Variants in SHANK2 observed in about 807,000 individuals in gnomAD.
SHANK2 encodes SH3 and multiple ankyrin repeat domains protein 2.
Under a neutral mutation model 133.7 loss-of-function variants are expected in SHANK2, and 43 were observed. The ratio of observed to expected loss-of-function variants is 0.32; its 90% CI spans 0.25 to 0.41. The LOEUF (loss-of-function observed/expected upper bound fraction) is 0.41, where lower values mean the gene tolerates loss of function less well. Ranked by LOEUF, SHANK2 falls within the 10% of genes least tolerant of loss-of-function variation. The pLI is 1.00. For synonymous variants in SHANK2, 1,017 were observed against 952.8 expected, an observed-to-expected ratio of 1.07 and a Z score of -1.24; for missense variants, 1,994 against 2,235.8, an observed-to-expected ratio of 0.89 and a Z score of 2.18.
intron 17 of SHANK2, among the ~76,000 whole-genome samples, chr11:70,592,921 C>G (rs1239981403): frequency 6.6e-6 from 1 of 152,246 alleles, no homozygotes; most frequent in Non-Finnish European, 1.5e-5. Flanking sequence ...GCCCTGCCCC[C>G]AGGCCTGTCA....
At chr11:70,519,176 G>A (rs138301855) in intron 17 of SHANK2, among the ~76,000 whole-genome samples, 3 of 152,268 alleles carry the variant, frequency 2.0e-5, no homozygotes, top group Non-Finnish European at 4.4e-5. Context: ...CAAAGTGCTA[G>A]GATCATAGGC....
intron 17 of SHANK2, among the ~76,000 whole-genome samples, chr11:70,590,222 A>C (rs1406324521): frequency 6.6e-6 from 1 of 152,186 alleles, no homozygotes; most frequent in Non-Finnish European, 1.5e-5. Context: ...AAACGCTGCA[A>C]TCTCATGAGA....
At chr11:71,197,025 C>T (rs1488348915) in intron 2 of SHANK2, among the ~76,000 whole-genome samples, 4 of 150,924 alleles carry the variant, frequency 2.7e-5, no homozygotes. Flanking sequence ...AAAAACCCAT[C>T]CCTGCTCTCA....
At chr11:70,945,895 C>T (rs1555085271) in intron 10 of SHANK2, among the ~76,000 whole-genome samples, 3 of 152,034 alleles carry the variant, frequency 2.0e-5, no homozygotes, top group Non-Finnish European at 1.5e-5. Context: ...ACCTCAAGTC[C>T]TCTCTTTCAC....
chr11:70,693,905 GACAGGTGA>G (rs1945339921), intron 15 of SHANK2, among the ~76,000 whole-genome samples: 1 of 152,190 alleles, frequency 6.6e-6, no homozygotes, highest in African/African-American at 2.4e-5. Flanking sequence ...CGGACAGGTG[GACAGGTGA>G]CTGGGTGGAT....
chr11:70,602,182 T>C (rs1266585458), intron 17 of SHANK2, among the ~76,000 whole-genome samples: 1 of 152,162 alleles, frequency 6.6e-6, no homozygotes, highest in Non-Finnish European at 1.5e-5. Context: ...CCTTCCACCA[T>C]GAGTAAAAGC....
chr11:70,615,537 C>T (rs976745239), intron 17 of SHANK2, among the ~76,000 whole-genome samples: 13 of 152,152 alleles, frequency 8.5e-5, no homozygotes, highest in African/African-American at 1.7e-4. Flanking sequence ...CCCTTAGTGG[C>T]GGCGCAAGGG....
chr11:70,481,411 T>C (rs1486647751), intron 25 of SHANK2, among the ~76,000 whole-genome samples: 1 of 152,184 alleles, frequency 6.6e-6, no homozygotes, highest in African/African-American at 2.4e-5. Context: ...TTCAGCTGCT[T>C]CCTTTGATCC....
At chr11:71,127,397 G>C (rs1214359234) in intron 3 of SHANK2, among the ~76,000 whole-genome samples, 14 of 152,224 alleles carry the variant, frequency 9.2e-5, no homozygotes, top group Admixed American at 9.2e-4. Flanking sequence ...AAGTTTTACT[G>C]TGGGTAAAAT....
chr11:70,717,576 G>A lies in SHANK2; in HGVS notation c.1778-18813C>T, dbSNP rs541149520. On this transcript the variant is annotated intron_variant, in intron 14 of 25. Transcript: ENST00000601538. ...TTGCCACCCCGTCTCACCAAGCGCCGGCAGGACTGCCCAAGTCCCACGGTC... is the reference window on the plus strand; with the variant it reads ...TTGCCACCCCGTCTCACCAAGCGCCAGCAGGACTGCCCAAGTCCCACGGTC... Among the ~76,000 whole-genome samples, 133 of 152,274 alleles carry A rather than the reference G, an allele frequency of 8.7e-4. 2 individuals carry two copies. Among genetic ancestry groups the A allele is most frequent in the African/African-American group, 3.1e-3 (127 of 41,562 alleles).
chr11:70,592,992 G>A (rs1352135493), intron 17 of SHANK2, among the ~76,000 whole-genome samples: 2 of 152,348 alleles, frequency 1.3e-5, no homozygotes, highest in Non-Finnish European at 2.9e-5. Flanking sequence ...GACTCACGAA[G>A]GGAGCCTGCA....
chr11:71,242,860 G>A (rs1954913624), intron 1 of SHANK2, among the ~76,000 whole-genome samples: 1 of 152,218 alleles, frequency 6.6e-6, no homozygotes, highest in African/African-American at 2.4e-5. Flanking sequence ...ACATCAGCAG[G>A]ACTGAAATTA....
rs572136159 is a variant in SHANK2 at position 71,222,472 on chromosome 11, A to G, written c.-13+2225T>C. ...AGTGTTCCTTTCTTACGAAGCTCCC[A>G]GAGGAGCTAAGAAGGGAGTTTCAGG... is the stretch of plus-strand genomic sequence containing the variant. On this transcript the variant is annotated intron_variant, in intron 2 of 25. Coordinates refer to ENST00000601538, the MANE Select transcript of SHANK2 (RefSeq NM_012309.5). 1.2e-4 allele frequency among the ~76,000 whole-genome samples: 19 copies of G among 152,314 alleles called. No individual in the cohort carries two copies. The South Asian group carries it at 3.9e-3, about 32-fold the overall frequency.
At chr11:70,828,803 C>T (rs1273290970) in intron 11 of SHANK2, among the ~76,000 whole-genome samples, 2 of 152,194 alleles carry the variant, frequency 1.3e-5, no homozygotes, top group Admixed American at 1.3e-4. Context: ...GCCACGTGAG[C>T]CCAGAGGACT....
chr11:70,513,509 C>G (rs567644835), intron 17 of SHANK2, among the ~76,000 whole-genome samples: 109 of 152,284 alleles, frequency 7.2e-4, no homozygotes, highest in Non-Finnish European at 9.9e-4. Flanking sequence ...GTAATATAAT[C>G]CAGAGTTGCC....
At chr11:70,559,583 G>A (rs1406450375) in intron 17 of SHANK2, among the ~76,000 whole-genome samples, 2 of 152,122 alleles carry the variant, frequency 1.3e-5, no homozygotes, top group Admixed American at 6.5e-5. Context: ...CCTGGCCCGC[G>A]CTTTCCTGGG....
intron 17 of SHANK2, among the ~76,000 whole-genome samples, chr11:70,605,644 T>C (rs912226250): frequency 6.6e-6 from 1 of 152,198 alleles, no homozygotes; most frequent in Non-Finnish European, 1.5e-5. Flanking sequence ...CATGTCCATA[T>C]CGAACTCTCT....
In SHANK2 at chr11:70,611,514, C is replaced by T. The variant is rs138732450; in HGVS notation, c.2061+48314G>A. Among the ~76,000 whole-genome samples the T allele has an allele frequency of 2.3e-3, 353 of 152,362 alleles. 2 individuals are homozygous for T. Among genetic ancestry groups the T allele is most frequent in the African/African-American group, 8.3e-3 (345 of 41,590 alleles). ...ACCCCACGACCCACGTCCTATCCTT[C>T]AGGGACTGCCTCACCTCTGGGCTGT... On this transcript the variant is annotated intron_variant, in intron 17 of 25. Coordinates refer to ENST00000601538, the MANE Select transcript of SHANK2 (RefSeq NM_012309.5).
chr11:70,637,525 G>T (rs543039617), intron 17 of SHANK2, among the ~76,000 whole-genome samples: 1 of 152,240 alleles, frequency 6.6e-6, no homozygotes, highest in African/African-American at 2.4e-5. Flanking sequence ...CGGAGAGCCA[G>T]CCCATGATAG....
Sources: gnomAD v4.1 joint callset for allele counts (sites outside exome capture counted in the v4.1 genomes callset) on GRCh38, gnomAD v4.1.1 for gene constraint, MANE v1.5 for transcripts, NCBI Gene and HGNC (gene_info 2026-07-23, HGNC 2026-07-21) for gene names.